The following GNA13 variants were observed in gnomAD, a reference collection of about 807,000 sequenced individuals.
GNA13 encodes the protein G protein subunit alpha 13.
Under a neutral mutation model 33.5 loss-of-function variants are expected in GNA13, and 4 were observed. The ratio of observed to expected loss-of-function variants is 0.12; its 90% CI spans 0.06 to 0.27. The LOEUF is 0.27. Among genes scored for constraint, GNA13 ranks in the 10% least tolerant of loss-of-function variants. The pLI is 1.00. For missense variants in GNA13, 319 were observed against 487.2 expected (o/e 0.65, Z 3.25); for synonymous variants, 176 against 183.8 (o/e 0.96, Z 0.34).
chr17:65,043,323 T>C (rs1273437448), intron 2 of GNA13, among the ~76,000 whole-genome samples: 2 of 151,928 alleles, frequency 1.3e-5, no homozygotes, highest in Non-Finnish European at 2.9e-5. Context: ...GGTCTTGCTC[T>C]GTCTCCCAGG....
In GNA13 at chr17:65,016,176, A is replaced by G. The variant is rs368670217; in HGVS notation, c.562-1347T>C. Among the ~76,000 whole-genome samples, 483 of 152,350 alleles carry G rather than the reference A, an allele frequency of 3.2e-3. 1 individual carries two copies. Among genetic ancestry groups the G allele is most frequent in the Middle Eastern group, 6.8e-3 (2 of 294 alleles). Reference sequence around the variant, plus strand: ...CTACAACACAACTTTCTGGTAATACATGAACGGGACAGCTAATATTTATCA... The same window carrying G: ...CTACAACACAACTTTCTGGTAATACGTGAACGGGACAGCTAATATTTATCA... On this transcript the variant is annotated intron_variant, in intron 3 of 3. Transcript: ENST00000439174.
At chr17:65,054,408 T>C (rs1267179688) in intron 1 of GNA13, among the ~76,000 whole-genome samples, 1 of 152,226 alleles carries the variant, frequency 6.6e-6, no homozygotes, top group Non-Finnish European at 1.5e-5. Context: ...TTATTAAGTT[T>C]GATCAATCTG....
intron 1 of GNA13, chr17:65,055,652 G>C (rs1908021909): frequency 1.0e-6 from 1 of 985,218 alleles, no homozygotes; most frequent in Non-Finnish European, 1.2e-6. Context: ...AACTGTATGG[G>C]TCCACTCTCT....
At chr17:65,038,608 C>T (rs763577359) in intron 2 of GNA13, among the ~76,000 whole-genome samples, 6 of 151,860 alleles carry the variant, frequency 4.0e-5, no homozygotes, top group Non-Finnish European at 5.9e-5. Flanking sequence ...GACGGGGTTG[C>T]GGGGGGGCGT....
At position 65,014,244 on chromosome 17, in the gene GNA13, A is replaced by T. The variant is rs769948227; in HGVS notation, c.*13T>A. Reference sequence around the variant, plus strand: ...AACACAAAAAGATATTAAAACAGCAAGTCTTTTGTACATCACTGTAGCATA... The same window carrying T: ...AACACAAAAAGATATTAAAACAGCATGTCTTTTGTACATCACTGTAGCATA... On this transcript the variant is annotated 3_prime_UTR_variant, in exon 4 of 4. Coordinates refer to ENST00000439174, the MANE Select transcript of GNA13 (RefSeq NM_006572.6). This position sits in a 1 kb window ranked among gnomAD's most constrained non-coding sequence, Gnocchi z 5.3. 6.3e-6 allele frequency: 9 copies of T among 1,431,270 alleles called. No homozygotes were observed. In the Admixed American group the frequency reaches 1.0e-4, roughly 16 times the overall value. The allele number at this position is 1,431,270 out of a possible 1,614,324, so 88.7% of individuals were successfully genotyped here. A position where few individuals can be genotyped will look rare whatever the true frequency, so the allele number is the denominator to read the frequency against.
intron 2 of GNA13, among the ~76,000 whole-genome samples, chr17:65,038,694 T>C (rs575181017): frequency 3.0e-3 from 461 of 152,310 alleles, no homozygotes; most frequent in African/African-American, 0.011. Flanking sequence ...CCCAATGTGT[T>C]GGGATTACAG....
At chr17:65,054,561 T>C (rs545681854) in intron 1 of GNA13, among the ~76,000 whole-genome samples, 4 of 152,310 alleles carry the variant, frequency 2.6e-5, no homozygotes, top group Admixed American at 6.5e-5. Context: ...TCCTCCCACT[T>C]TGGCCTCCCA....
At chr17:65,018,359 T>C in intron 2 of GNA13, 56 bp from the exon 3 acceptor site, 2 of 867,714 alleles carry the variant, frequency 2.3e-6, no homozygotes, top group South Asian at 1.3e-5. Flanking sequence ...AAGATCTTGT[T>C]ACAACAGTTT....
intron 2 of GNA13, chr17:65,052,930 G>A (rs575156717): frequency 6.5e-6 from 1 of 152,808 alleles, no homozygotes; most frequent in East Asian, 1.9e-4. Flanking sequence ...AGGAGGCTGA[G>A]GCAGGAGAGT....
Position 65,010,504 on chromosome 17 carries a change from C to T in GNA13, c.*3753G>A, listed in dbSNP as rs1195827821. On this transcript the variant is annotated 3_prime_UTR_variant, in exon 4 of 4. Coordinates refer to ENST00000439174, the MANE Select transcript of GNA13 (RefSeq NM_006572.6). ...CACCCTGTATCCTATCATTAAAAAA[C>T]AAAACAAAACAAAACAAAACAGTGC... 3.3e-5 allele frequency among the ~76,000 whole-genome samples: 5 copies of T among 151,414 alleles called. No homozygotes were observed. Among genetic ancestry groups the T allele is most frequent in the African/African-American group, 1.2e-4 (5 of 41,282 alleles).
In GNA13 at chr17:65,009,602, C is replaced by T. The variant is rs927164619; in HGVS notation, c.*4655G>A. ...CCACAAATATTTTATAGAGCTAATA[C>T]GAGTCATGTTTTGTTAGGTACAGTA... On this transcript the variant is annotated 3_prime_UTR_variant, in exon 4 of 4. Transcript: ENST00000439174. 3.3e-5 allele frequency among the ~76,000 whole-genome samples: 5 copies of T among 152,066 alleles called. No individual in the cohort carries two copies. Among genetic ancestry groups the T allele is most frequent in the African/African-American group, 1.2e-4 (5 of 41,510 alleles).
At chr17:65,025,298 A>C (rs16958684) in intron 2 of GNA13, among the ~76,000 whole-genome samples, 8,225 of 152,254 alleles carry the variant, frequency 0.054, 742 homozygotes, top group African/African-American at 0.19. Flanking sequence ...CATAAACAAT[A>C]AAATTAAGTC....
chr17:65,016,963 T>C (rs894344466), intron 3 of GNA13, among the ~76,000 whole-genome samples: 2 of 152,222 alleles, frequency 1.3e-5, no homozygotes, highest in Non-Finnish European at 2.9e-5. Flanking sequence ...CCCCTACTAG[T>C]GGTCATTAAG....
Position 65,009,994 on chromosome 17 carries a change from T to C in GNA13, c.*4263A>G, listed in dbSNP as rs1906126213. ...ATGCACACTGAGTTCCAGCATACTC[T>C]GATCCACCTGTAAACTTTCATCATC... is the stretch of plus-strand genomic sequence containing the variant. On this transcript the variant is annotated 3_prime_UTR_variant, in exon 4 of 4. Transcript: ENST00000439174. Among the ~76,000 whole-genome samples the C allele has an allele frequency of 6.6e-6, 1 of 152,244 alleles. No individual in the cohort carries two copies. Among genetic ancestry groups the C allele is most frequent in the Non-Finnish European group, 1.5e-5 (1 of 68,042 alleles).
rs1908070866 is a variant in GNA13, at chr17:65,056,572, G to C, written c.22C>G (p.Arg8Gly). 6.2e-7 allele frequency: 1 copy of C among 1,606,636 alleles called. No individual in the cohort carries two copies. The highest frequency in any genetic ancestry group is 1.3e-5 in the African/African-American group (1 of 74,734). Residue 8 changes from arginine to glycine, a missense_variant, in exon 1 of 4, where the codon CGG becomes GGG. Physicochemically the swap from Arg to Gly is moderately radical, Grantham distance 125. Around this residue, in one of 4 missense-constraint regions of GNA13, gnomAD observed 47 missense variants for 64.7 expected, o/e 0.73. Transcript: ENST00000439174. MADFLPS[R>G]SVLSVCFPGC... ...GGGAAGCACACGGACAGCACGGACCGCGACGGCAGGAAGTCCGCCATCTTG... is the reference window on the plus strand; with the variant it reads ...GGGAAGCACACGGACAGCACGGACCCCGACGGCAGGAAGTCCGCCATCTTG...
chr17:65,054,307 G>A (rs1388720481), intron 1 of GNA13, among the ~76,000 whole-genome samples: 3 of 152,218 alleles, frequency 2.0e-5, no homozygotes, highest in Non-Finnish European at 2.9e-5. Context: ...CCCTAAAAGG[G>A]AGGAAGATCA....
At chr17:65,031,857 C>G (rs976002467) in intron 2 of GNA13, among the ~76,000 whole-genome samples, 1 of 126,298 alleles carries the variant, frequency 7.9e-6, no homozygotes, top group African/African-American at 2.8e-5. Flanking sequence ...TACACCAACC[C>G]GGACAACATA....
chr17:65,052,395 C>T (rs1000027528), intron 2 of GNA13, among the ~76,000 whole-genome samples: 1 of 152,216 alleles, frequency 6.6e-6, no homozygotes, highest in Admixed American at 6.5e-5. Flanking sequence ...ATCAGGTGAT[C>T]CACCCGCCTC....
chr17:65,041,575 T>C (rs1049615300), intron 2 of GNA13, among the ~76,000 whole-genome samples: 2 of 152,162 alleles, frequency 1.3e-5, no homozygotes, highest in African/African-American at 4.8e-5. Context: ...AACACCCTCT[T>C]TAACTAAGTA....
Sources: gnomAD v4.1 joint callset for allele counts (sites outside exome capture counted in the v4.1 genomes callset) on GRCh38, gnomAD v4.1.1 for gene constraint, gnomAD v4.1.1 regional missense constraint, Gnocchi (gnomAD v3.1) non-coding constraint, MANE v1.5 for transcripts, NCBI Gene and HGNC (gene_info 2026-07-23, HGNC 2026-07-21) for gene names.